Variants in TRIM71 observed in about 807,000 individuals in gnomAD.
TRIM71 encodes E3 ubiquitin-protein ligase TRIM71.
Under a neutral mutation model 61.2 loss-of-function variants are expected in TRIM71, and 9 were observed. The ratio of observed to expected loss-of-function variants is 0.15; its 90% CI spans 0.09 to 0.26. The LOEUF is 0.26. Ranked by LOEUF, TRIM71 falls within the 10% of genes least tolerant of loss-of-function variation. TRIM71 has a pLI of 1.00. For synonymous variants in TRIM71, 645 were observed against 553.2 expected (o/e 1.17, Z -2.33); for missense variants, 998 against 1,238.7 (o/e 0.81, Z 2.92).
intron 3 of TRIM71, among the ~76,000 whole-genome samples, chr3:32,886,750 G>A (rs752410022): frequency 3.5e-4 from 54 of 152,158 alleles, no homozygotes; most frequent in Non-Finnish European, 7.1e-4. Context: ...TGTGGAGTGT[G>A]CCTGTTTCCA....
At chr3:32,825,724 G>A (rs1397378962) in intron 1 of TRIM71, among the ~76,000 whole-genome samples, 1 of 152,142 alleles carries the variant, frequency 6.6e-6, no homozygotes, top group African/African-American at 2.4e-5. Context: ...AAGAATTACA[G>A]TTGCCTTAAG....
chr3:32,873,552 A>T (rs1696820940), intron 1 of TRIM71, among the ~76,000 whole-genome samples: 1 of 152,304 alleles, frequency 6.6e-6, no homozygotes, highest in South Asian at 2.1e-4. Flanking sequence ...ACAGTTCTGA[A>T]TGAGACTAGA....
chr3:32,867,181 C>T lies in TRIM71; in HGVS notation c.853-6637C>T, dbSNP rs116233283. 5.3e-3 allele frequency among the ~76,000 whole-genome samples: 801 copies of T among 152,080 alleles called. 10 individuals are homozygous for T. Among genetic ancestry groups the T allele is most frequent in the African/African-American group, 0.018 (743 of 41,470 alleles). ...ACTCCCACTTTTACCACCCCCCTCC[C>T]CCTCCTCTTTTTTAGATCTTCACAT... On this transcript the variant is annotated intron_variant, in intron 1 of 3. Transcript: ENST00000383763.
intron 1 of TRIM71, among the ~76,000 whole-genome samples, chr3:32,824,680 C>T (rs1379981836): frequency 1.3e-5 from 2 of 152,272 alleles, no homozygotes; most frequent in Admixed American, 1.3e-4. Flanking sequence ...GATGGCGTTT[C>T]GCCATGTTGC....
At chr3:32,821,902 C>T (rs1308991126) in intron 1 of TRIM71, among the ~76,000 whole-genome samples, 1 of 152,058 alleles carries the variant, frequency 6.6e-6, no homozygotes. Flanking sequence ...CCCGCAGGCA[C>T]CCGCTGGGGT....
At chr3:32,866,643 C>T (rs564991367) in intron 1 of TRIM71, among the ~76,000 whole-genome samples, 5 of 152,164 alleles carry the variant, frequency 3.3e-5, no homozygotes, top group Middle Eastern at 3.4e-3. Flanking sequence ...AGGGCCGTGT[C>T]GATGGAAAAT....
intron 1 of TRIM71, among the ~76,000 whole-genome samples, chr3:32,827,192 C>T (rs573380304): frequency 7.1e-4 from 107 of 151,698 alleles, no homozygotes; most frequent in African/African-American, 2.5e-3. Flanking sequence ...ATACTGTTTT[C>T]AGTAATTATG....
intron 2 of TRIM71, 75 bp downstream of exon 2, chr3:32,874,060 A>G (rs934045211): frequency 5.5e-6 from 8 of 1,459,554 alleles, no homozygotes; most frequent in African/African-American, 2.8e-5. Flanking sequence ...TGGACAGACA[A>G]TTGGGCAGAT....
At chr3:32,825,880 C>T (rs1042572059) in intron 1 of TRIM71, among the ~76,000 whole-genome samples, 2 of 152,036 alleles carry the variant, frequency 1.3e-5, no homozygotes, top group Non-Finnish European at 2.9e-5. Flanking sequence ...AAATTATTCC[C>T]CTCCTTTTGA....
intron 1 of TRIM71, among the ~76,000 whole-genome samples, chr3:32,867,167 T>TACCACCCC (rs1481247686): frequency 1.3e-5 from 2 of 151,852 alleles, no homozygotes; most frequent in Non-Finnish European, 2.9e-5. Flanking sequence ...CTCCCACTTT[T>TACCACCCC]ACCACCCCCC....
At chr3:32,819,061 C>T (rs1173117345) in intron 1 of TRIM71, 129 bp downstream of exon 1, 13 of 1,007,172 alleles carry the variant, frequency 1.3e-5, no homozygotes, top group South Asian at 5.6e-5. Context: ...CCTTTGGCTA[C>T]GTGGCAGTCC....
intron 1 of TRIM71, among the ~76,000 whole-genome samples, chr3:32,828,255 A>G (rs1355816717): frequency 3.3e-5 from 5 of 152,180 alleles, no homozygotes; most frequent in African/African-American, 1.2e-4. Context: ...AATGTTGTAG[A>G]TAAGCATTGA....
intron 2 of TRIM71, among the ~76,000 whole-genome samples, chr3:32,883,186 A>G (rs1333992444): frequency 6.6e-6 from 1 of 152,250 alleles, no homozygotes; most frequent in Non-Finnish European, 1.5e-5. Flanking sequence ...AAAATGTATC[A>G]ATGCTATTAT....
At chr3:32,868,245 A>C (rs1351853984) in intron 1 of TRIM71, among the ~76,000 whole-genome samples, 1 of 151,772 alleles carries the variant, frequency 6.6e-6, no homozygotes, top group Non-Finnish European at 1.5e-5. Flanking sequence ...AGAAACTGGT[A>C]CTTTGCCCTT....
chr3:32,830,509 A>G (rs1045456990), intron 1 of TRIM71, among the ~76,000 whole-genome samples: 12 of 152,096 alleles, frequency 7.9e-5, no homozygotes, highest in African/African-American at 2.2e-4. Flanking sequence ...TCTATTCCAG[A>G]TTGCCGGGAA....
At chr3:32,838,925 T>G (rs1320853815) in intron 1 of TRIM71, among the ~76,000 whole-genome samples, 2 of 152,094 alleles carry the variant, frequency 1.3e-5, no homozygotes, top group African/African-American at 4.8e-5. Context: ...GTCAGCCTCC[T>G]GAGTAGCTGA....
At position 32,873,879 on chromosome 3, in the gene TRIM71, G is replaced by A. The variant is rs771610495; in HGVS notation, c.914G>A (p.Arg305Gln). Reference protein sequence around the residue: ...VPICRECTMGRHGGHSFIYLQ... With the variant: ...VPICRECTMGQHGGHSFIYLQ... ...ATCTGTCGTGAGTGCACAATGGGCC[G>A]GCATGGGGGCCACAGCTTCATCTAC... The change falls in exon 2 of 4, where the codon CGG becomes CAG. Residue 305 changes from arginine (R) to glutamine (Q), a missense_variant. Arg to Gln is a conservative substitution (Grantham distance 43, BLOSUM62 1). Around this residue, in one of 5 missense-constraint regions of TRIM71, gnomAD observed 291 missense variants for 431.2 expected, o/e 0.67. Coordinates refer to ENST00000383763, the MANE Select transcript of TRIM71 (RefSeq NM_001039111.3). The A allele has an allele frequency of 2.7e-5, 44 of 1,613,744 alleles. No individual in the cohort carries two copies. Among genetic ancestry groups the A allele is most frequent in the Middle Eastern group, 1.6e-4 (1 of 6,080 alleles).
At chr3:32,856,593 G>T (rs1011189838) in intron 1 of TRIM71, among the ~76,000 whole-genome samples, 3 of 152,246 alleles carry the variant, frequency 2.0e-5, no homozygotes, top group Non-Finnish European at 2.9e-5. Context: ...GACTGGACAT[G>T]AATAAGAGTG....
chr3:32,830,792 C>CGGAG (rs759879005), intron 1 of TRIM71, among the ~76,000 whole-genome samples: 82 of 152,078 alleles, frequency 5.4e-4, no homozygotes, highest in Non-Finnish European at 9.1e-4. Context: ...AGAATGCCTC[C>CGGAG]CCCTGCCCCA....
Sources: allele counts gnomAD v4.1 joint callset (sites outside exome capture counted in the v4.1 genomes callset), GRCh38; gene constraint gnomAD v4.1.1; regional missense constraint gnomAD v4.1.1; transcripts MANE v1.5; gene names NCBI Gene and HGNC (gene_info 2026-07-23, HGNC 2026-07-21).